Variants in GABRA2 observed in about 807,000 individuals in gnomAD.
The protein encoded by GABRA2 is gamma-aminobutyric acid receptor subunit alpha-2.
GABRA2 carries 16 observed loss-of-function variants against 48.7 expected under a neutral mutation model. The observed-to-expected ratio is 0.33, with a 90% CI of 0.22 to 0.50. GABRA2 has a LOEUF of 0.50. Ranked by LOEUF, GABRA2 falls within the 20% of genes least tolerant of loss-of-function variation. GABRA2 has a pLI of 0.98. For synonymous variants in GABRA2, 185 were observed against 184.5 expected (o/e 1.00, Z -0.02); for missense variants, 275 against 535.6 (o/e 0.51, Z 4.80).
At chr4:46,285,071 C>T (rs1722289305) in intron 8 of GABRA2, among the ~76,000 whole-genome samples, 1 of 149,630 alleles carries the variant, frequency 6.7e-6, no homozygotes, top group Admixed American at 6.6e-5. Context: ...AAGGATGAGG[C>T]TGGACAGTTT....
intron 3 of GABRA2, among the ~76,000 whole-genome samples, chr4:46,369,573 G>A (rs1035712744): frequency 3.3e-5 from 5 of 151,994 alleles, no homozygotes; most frequent in Non-Finnish European, 7.4e-5. Flanking sequence ...TTAGGTGGCA[G>A]AATTATGAGT....
rs189639481 is a variant in GABRA2 at position 46,280,620 on chromosome 4, T to G, written c.857-18492A>C. On this transcript the variant is annotated intron_variant, in intron 8 of 9. Transcript: ENST00000381620. ...TCTGACTGCTATGTTGGGCATAGAG[T>G]TCCATAAAGGTGGAAGCAAGAGTCG... Among the ~76,000 whole-genome samples the G allele has an allele frequency of 4.2e-3, 642 of 152,164 alleles. 4 individuals are homozygous for G. The highest frequency in any genetic ancestry group is 0.015 in the African/African-American group (620 of 41,512).
chr4:46,329,186 G>T (rs1482236668), intron 4 of GABRA2, among the ~76,000 whole-genome samples: 1 of 151,948 alleles, frequency 6.6e-6, no homozygotes, highest in Admixed American at 6.6e-5. Flanking sequence ...TCTGTGTACT[G>T]CCTCTCAACT....
chr4:46,305,862 T>C, intron 6 of GABRA2, 151 bp from the exon 7 acceptor site: 2 of 591,848 alleles, frequency 3.4e-6, no homozygotes, highest in Non-Finnish European at 5.8e-6. Context: ...CTCATTTGAA[T>C]TTACTTCAAT....
chr4:46,264,986 C>CATATATATAT lies in GABRA2; in HGVS notation c.857-2868_857-2859dup, dbSNP rs72160209. ...CAATTGTTCCCAGAATTACTTTATA[C>CATATATATAT]ATATATATATATATATGTATAAAGA... On this transcript the variant is annotated intron_variant, in intron 8 of 9. Transcript: ENST00000381620. 7.3e-4 allele frequency among the ~76,000 whole-genome samples: 78 copies of CATATATATAT among 107,522 alleles called. 2 individuals are homozygous for CATATATATAT. The highest frequency in any genetic ancestry group is 3.0e-3 in the South Asian group (7 of 2,322). The allele number at this position is 107,522 out of a possible 152,430, so 70.5% of individuals were successfully genotyped here. A position where few individuals can be genotyped will look rare whatever the true frequency, so the allele number is the denominator to read the frequency against.
At chr4:46,373,979 T>C (rs1715317868) in intron 3 of GABRA2, among the ~76,000 whole-genome samples, 1 of 152,190 alleles carries the variant, frequency 6.6e-6, no homozygotes, top group Non-Finnish European at 1.5e-5. Context: ...TCTCTTGTGG[T>C]ATCCAAATTT....
chr4:46,299,042 A>G (rs978616344), intron 8 of GABRA2, among the ~76,000 whole-genome samples: 4 of 151,312 alleles, frequency 2.6e-5, no homozygotes, highest in African/African-American at 4.8e-5. Context: ...ATTATATTCT[A>G]TATAATTCAA....
At chr4:46,375,143 G>T (rs1193909828) in intron 3 of GABRA2, among the ~76,000 whole-genome samples, 1 of 151,946 alleles carries the variant, frequency 6.6e-6, no homozygotes. Flanking sequence ...TACTTAAACT[G>T]CAAAATCCAG....
rs1335727758 is a variant in GABRA2 at position 46,312,633 on chromosome 4, T to C, written c.339A>G (p.Leu113=). 2 of 1,562,684 alleles carry C rather than the reference T, an allele frequency of 1.3e-6. No homozygotes were observed. Among genetic ancestry groups the C allele is most frequent in the Non-Finnish European group, 1.7e-6 (2 of 1,158,886 alleles). ...AGATTTTGCTAGCCATTAAATTGTT[T>C]AGTCGAAGGATATTCATAGGACCTT... ...KFKGPMNILR[L]NNLMASKIWT... is the part of the protein sequence containing the mutation. The change falls in exon 5 of 10, where the codon CTA becomes CTG. Residue 113 remains leucine, a synonymous_variant. Transcript: ENST00000381620.
chr4:46,256,512 GAA>G (rs971440959), intron 9 of GABRA2: 155 of 411,442 alleles, frequency 3.8e-4, no homozygotes, highest in African/African-American at 3.1e-3. Context: ...TCAGTGTAAG[GAA>G]AAGTTTTTCT....
intron 6 of GABRA2, 68 bp from the exon 7 acceptor site, chr4:46,305,779 G>C: frequency 1.7e-6 from 2 of 1,157,372 alleles, no homozygotes; most frequent in Non-Finnish European, 2.5e-6. Context: ...CTACACGAAC[G>C]GTTGTGTATT....
intron 3 of GABRA2, among the ~76,000 whole-genome samples, chr4:46,345,289 C>T (rs923488698): frequency 6.6e-6 from 1 of 151,856 alleles, no homozygotes; most frequent in East Asian, 1.9e-4. Flanking sequence ...GTCTTTATAG[C>T]AGTGTGAAAA....
chr4:46,388,807 T>C (rs199718319), intron 1 of GABRA2, 91 bp from the exon 2 acceptor site: 88 of 1,578,160 alleles, frequency 5.6e-5, no homozygotes, highest in Non-Finnish European at 7.3e-5. Flanking sequence ...TCCTTTTAGT[T>C]AGGGATTCGT....
chr4:46,247,230 A>C lies in GABRA2; in HGVS notation c.*3078T>G, dbSNP rs1172570377. Among the ~76,000 whole-genome samples, 2 of 151,202 alleles carry C rather than the reference A, an allele frequency of 1.3e-5. No homozygotes were observed. The highest frequency in any genetic ancestry group is 4.8e-5 in the African/African-American group (2 of 41,352). On this transcript the variant is annotated 3_prime_UTR_variant, in exon 10 of 10. Transcript: ENST00000381620. ...TTTAAAAAATATATATTAAATGGTT[A>C]TATTTCTTCCATTTTATAATCAAAC...
chr4:46,265,759 G>A (rs536754493), intron 8 of GABRA2, among the ~76,000 whole-genome samples: 40 of 151,696 alleles, frequency 2.6e-4, no homozygotes, highest in Non-Finnish European at 1.5e-4. Flanking sequence ...TTTCAAGGAA[G>A]ATGGTTAAGT....
At chr4:46,273,393 T>C (rs1364549773) in intron 8 of GABRA2, among the ~76,000 whole-genome samples, 2 of 150,372 alleles carry the variant, frequency 1.3e-5, no homozygotes, top group African/African-American at 4.9e-5. Flanking sequence ...TGTGTGTGTG[T>C]GTGTGTGTGT....
intron 8 of GABRA2, among the ~76,000 whole-genome samples, chr4:46,296,017 T>A (rs1240569165): frequency 1.3e-5 from 2 of 152,276 alleles, no homozygotes; most frequent in Admixed American, 1.3e-4. Flanking sequence ...ATGTTCCCCA[T>A]CATCCTGAAG....
chr4:46,362,877 C>CTG (rs1368404201), intron 3 of GABRA2, among the ~76,000 whole-genome samples: 3 of 152,166 alleles, frequency 2.0e-5, no homozygotes, highest in Admixed American at 6.5e-5. Flanking sequence ...ATGCAGGATG[C>CTG]TGTGCCAAGT....
chr4:46,371,874 C>T (rs1714949347), intron 3 of GABRA2, among the ~76,000 whole-genome samples: 1 of 152,122 alleles, frequency 6.6e-6, no homozygotes, highest in Non-Finnish European at 1.5e-5. Flanking sequence ...GACCCCTTCT[C>T]TTCACTACAT....
Sources: allele counts gnomAD v4.1 joint callset (sites outside exome capture counted in the v4.1 genomes callset), GRCh38; gene constraint gnomAD v4.1.1; transcripts MANE v1.5; gene names NCBI Gene and HGNC (gene_info 2026-07-23, HGNC 2026-07-21).